The following LAMA2 variants were observed in gnomAD, a reference collection of about 807,000 sequenced individuals.
LAMA2 encodes the protein laminin subunit alpha-2.
A neutral mutation model predicts 364.8 loss-of-function variants in LAMA2; 269 were observed. The ratio of observed to expected loss-of-function variants is 0.74; its 90% CI spans 0.67 to 0.82. The LOEUF (loss-of-function observed/expected upper bound fraction) is 0.82, where lower values mean the gene tolerates loss of function less well. LAMA2 is among the 40% of genes least tolerant of loss of function. The pLI is 0.00. For synonymous variants in LAMA2, 1,379 were observed against 1,370.6 expected, an observed-to-expected ratio of 1.01 and a Z score of -0.14; for missense variants, 3,807 against 3,873.2, an observed-to-expected ratio of 0.98 and a Z score of 0.45.
intron 4 of LAMA2, among the ~76,000 whole-genome samples, chr6:129,142,416 A>G (rs1050284932): frequency 6.6e-6 from 1 of 152,082 alleles, no homozygotes; most frequent in South Asian, 2.1e-4. Context: ...TCTTTTTATT[A>G]GGTCACTAAT....
chr6:129,505,518 G>A (rs553134830), intron 61 of LAMA2, among the ~76,000 whole-genome samples, 163 bp downstream of exon 61: 1 of 152,020 alleles, frequency 6.6e-6, no homozygotes, highest in Non-Finnish European at 1.5e-5. Flanking sequence ...TTGTTTGTTT[G>A]TTTGTTTTGA....
At position 129,486,621 on chromosome 6, in the gene LAMA2, G is replaced by A. The variant is rs919178991; in HGVS notation, c.7897G>A (p.Gly2633Ser). 1 of 1,613,174 alleles carries A rather than the reference G, an allele frequency of 6.2e-7. No individual in the cohort carries two copies. Among genetic ancestry groups the A allele is most frequent in the Non-Finnish European group, 8.5e-7 (1 of 1,179,200 alleles). ...EHSVHVERTR[G>S]IFTVQVDENR... ...TTCCGTTCATGTAGAGCGAACTAGAGGGTAACAATAGCACTAAAATATTTA... is the reference window on the plus strand; with the variant it reads ...TTCCGTTCATGTAGAGCGAACTAGAAGGTAACAATAGCACTAAAATATTTA... Residue 2633 changes from glycine (G) to serine (S), a missense_variant and splice_region_variant, in exon 56 of 65, where the codon GGC becomes AGC. Physicochemically the swap from Gly to Ser is moderately conservative, Grantham distance 56. Around this residue, in one of 3 missense-constraint regions of LAMA2, gnomAD observed 3,333 missense variants for 3,345.7 expected, o/e 1.00. Transcript: ENST00000421865.
intron 40 of LAMA2, among the ~76,000 whole-genome samples, chr6:129,421,677 A>G (rs1023967267): frequency 6.6e-6 from 1 of 152,080 alleles, no homozygotes; most frequent in African/African-American, 2.4e-5. Context: ...TTCCCTTATC[A>G]TGTGAAAAGC....
chr6:129,255,354 C>T (rs190546), intron 14 of LAMA2, among the ~76,000 whole-genome samples: 2,754 of 131,404 alleles, frequency 0.021, 35 homozygotes, highest in Non-Finnish European at 0.027. Context: ...TGCAGTGAGC[C>T]GAGATCGCGC....
At chr6:129,225,203 A>G (rs1344824335) in intron 12 of LAMA2, among the ~76,000 whole-genome samples, 1 of 151,554 alleles carries the variant, frequency 6.6e-6, no homozygotes, top group Non-Finnish European at 1.5e-5. Flanking sequence ...TTTTTATTGC[A>G]TCTATTTGAT....
intron 51 of LAMA2, among the ~76,000 whole-genome samples, chr6:129,472,454 G>T (rs1783858737): frequency 1.3e-5 from 2 of 151,982 alleles, no homozygotes; most frequent in Admixed American, 6.6e-5. Flanking sequence ...GAAGGGGGCG[G>T]TAGTGAGAGG....
At chr6:129,344,358 A>AG (rs1462930142) in intron 30 of LAMA2, among the ~76,000 whole-genome samples, 1 of 152,166 alleles carries the variant, frequency 6.6e-6, no homozygotes, top group Non-Finnish European at 1.5e-5. Flanking sequence ...ATTAGATGTG[A>AG]GGGGTGAGGG....
At chr6:129,124,169 T>C (rs1699022689) in intron 4 of LAMA2, among the ~76,000 whole-genome samples, 1 of 152,200 alleles carries the variant, frequency 6.6e-6, no homozygotes, top group South Asian at 2.1e-4. Context: ...TCTTGGTTAA[T>C]AGTTGAGATC....
In LAMA2 at chr6:129,248,637, C is replaced by A. The variant is rs981410377; in HGVS notation, c.1783-1475C>A. Among the ~76,000 whole-genome samples, 5 of 151,998 alleles carry A rather than the reference C, an allele frequency of 3.3e-5. No homozygotes were observed. The East Asian group carries it at 9.6e-4, about 29-fold the overall frequency. On this transcript the variant is annotated intron_variant, in intron 12 of 64. Transcript: ENST00000421865. ...ATTTTGGAACATTATAGGCCTATGT[C>A]CCAATATTCTTCCCAAACCTCCTTT...
Position 129,516,211 on chromosome 6 carries a change from T to G in LAMA2, c.9233T>G (p.Leu3078Arg), listed in dbSNP as rs368937576. Reference sequence around the variant, plus strand: ...TCAGATGACCTCAAGCAGTTTGGCCTAACAACCAGTATTCCGTTCCGAGGT... The same window carrying G: ...TCAGATGACCTCAAGCAGTTTGGCCGAACAACCAGTATTCCGTTCCGAGGT... ...GFPDDLKQFG[L>R]TTSIPFRGCI... The change falls in exon 65 of 65, where the codon CTA becomes CGA. Residue 3078 changes from leucine to arginine, a missense_variant. Physicochemically the swap from Leu to Arg is moderately radical, Grantham distance 102. Transcript: ENST00000421865. 2 of 1,614,130 alleles carry G rather than the reference T, an allele frequency of 1.2e-6. No homozygotes were observed. The highest frequency in any genetic ancestry group is 1.7e-6 in the Non-Finnish European group (2 of 1,180,012).
chr6:129,148,903 A>T, intron 6 of LAMA2, 76 bp from the exon 7 acceptor site: 2 of 946,582 alleles, frequency 2.1e-6, no homozygotes, highest in Non-Finnish European at 3.5e-6. Flanking sequence ...TTTTCTTCAT[A>T]GTACCTTTAG....
chr6:129,443,538 C>T lies in LAMA2; in HGVS notation c.6274+470C>T, dbSNP rs535926078. 5.3e-5 allele frequency among the ~76,000 whole-genome samples: 8 copies of T among 152,300 alleles called. No homozygotes were observed. The South Asian group carries it at 1.7e-3, about 32-fold the overall frequency. On this transcript the variant is annotated intron_variant, in intron 44 of 64. Transcript: ENST00000421865. Reference sequence around the variant, plus strand: ...GATAACACAAATTCACCCCAACACACGAATGACTTAATTGCAAGAGGATTA... The same window carrying T: ...GATAACACAAATTCACCCCAACACATGAATGACTTAATTGCAAGAGGATTA...
chr6:129,387,738 A>G (rs1490947914), intron 35 of LAMA2, among the ~76,000 whole-genome samples: 1 of 152,236 alleles, frequency 6.6e-6, no homozygotes, highest in African/African-American at 2.4e-5. Flanking sequence ...GAATGATATC[A>G]TGTCCTTTGC....
intron 12 of LAMA2, among the ~76,000 whole-genome samples, chr6:129,239,074 A>T (rs1429511359): frequency 6.6e-6 from 1 of 152,238 alleles, no homozygotes; most frequent in Admixed American, 6.5e-5. Context: ...TAACAGGAAC[A>T]ATGATAACTG....
chr6:128,955,114 C>A (rs1431973044), intron 1 of LAMA2, among the ~76,000 whole-genome samples: 1 of 151,478 alleles, frequency 6.6e-6, no homozygotes, highest in Non-Finnish European at 1.5e-5. Context: ...AAATTCAATC[C>A]AACAGTCATT....
intron 9 of LAMA2, among the ~76,000 whole-genome samples, chr6:129,166,665 C>G (rs1341689954): frequency 1.3e-5 from 2 of 152,056 alleles, no homozygotes; most frequent in African/African-American, 4.8e-5. Context: ...TTAACTCTTC[C>G]CTACCCCTTT....
chr6:129,076,823 G>C (rs1232215609), intron 3 of LAMA2, among the ~76,000 whole-genome samples: 3 of 151,906 alleles, frequency 2.0e-5, no homozygotes, highest in African/African-American at 7.3e-5. Flanking sequence ...TGGATTTTGA[G>C]TCAAATTTTC....
At chr6:129,223,333 G>A (rs1184252148) in intron 12 of LAMA2, among the ~76,000 whole-genome samples, 3 of 152,128 alleles carry the variant, frequency 2.0e-5, no homozygotes, top group Non-Finnish European at 2.9e-5. Flanking sequence ...CTGTGCAGAA[G>A]CTCTTTAGTT....
intron 1 of LAMA2, among the ~76,000 whole-genome samples, chr6:128,998,535 GT>G (rs1784152852): frequency 4.8e-5 from 5 of 104,768 alleles, no homozygotes; most frequent in Non-Finnish European, 7.4e-5. Flanking sequence ...AGGCCAGTGT[GT>G]GTGCGCACCG....
Sources: allele counts gnomAD v4.1 joint callset (sites outside exome capture counted in the v4.1 genomes callset), GRCh38; gene constraint gnomAD v4.1.1; regional missense constraint gnomAD v4.1.1; transcripts MANE v1.5; gene names NCBI Gene and HGNC (gene_info 2026-07-23, HGNC 2026-07-21).